Variants in ABHD2 observed in about 807,000 individuals in gnomAD.
ABHD2 encodes the protein abhydrolase domain containing 2, acylglycerol lipase, also known as monoacylglycerol lipase ABHD2.
A neutral mutation model predicts 48.1 loss-of-function variants in ABHD2; 20 were observed. That is an observed-to-expected ratio of 0.42 (90% confidence interval 0.29 to 0.60). The LOEUF (loss-of-function observed/expected upper bound fraction) is 0.60, where lower values mean the gene tolerates loss of function less well. ABHD2 is among the 20% of genes least tolerant of loss of function. The pLI is 0.24. For missense variants in ABHD2, 405 were observed against 550.9 expected (o/e 0.74, Z 2.65); for synonymous variants, 209 against 214.2 (o/e 0.98, Z 0.21).
chr15:89,113,186 G>T (rs913888513), intron 1 of ABHD2, among the ~76,000 whole-genome samples: 1 of 152,178 alleles, frequency 6.6e-6, no homozygotes, highest in Non-Finnish European at 1.5e-5. Context: ...TCTGAACTCA[G>T]ACCCTACAAG....
the ABHD2 span, among the ~76,000 whole-genome samples, chr15:89,052,739 C>T: frequency 1.3e-5 from 2 of 152,274 alleles, no homozygotes; most frequent in East Asian, 3.9e-4. Flanking sequence ...CCAGCCAATA[C>T]CCTGATCTCA....
chr15:89,171,407 C>T (rs930982870), intron 5 of ABHD2, among the ~76,000 whole-genome samples: 10 of 152,200 alleles, frequency 6.6e-5, no homozygotes, highest in African/African-American at 2.4e-4. Context: ...ACTCTGAGAA[C>T]CACTGAGCTA....
In ABHD2 at chr15:89,173,899, C is replaced by G. The variant is rs575159350; in HGVS notation, c.539-1913C>G. ...CTGGGTCCTGCTGTTTGGGAGGAAG[C>G]AGCTCTTGGCCCGGTTTTTCCCTTA... is the stretch of plus-strand genomic sequence containing the variant. On this transcript the variant is annotated intron_variant, in intron 5 of 10. Transcript: ENST00000352732. The surrounding 1 kb of genome is among the most constrained non-coding windows in gnomAD (Gnocchi z 6.5). Among the ~76,000 whole-genome samples the G allele has an allele frequency of 6.6e-6, 1 of 152,288 alleles. No homozygotes were observed. The highest frequency in any genetic ancestry group is 1.9e-4 in the East Asian group (1 of 5,180).
chr15:89,053,989 A>C, the ABHD2 span, among the ~76,000 whole-genome samples: 1 of 152,140 alleles, frequency 6.6e-6, no homozygotes, highest in African/African-American at 2.4e-5. Flanking sequence ...AGTCTAACAC[A>C]TTGCTGCAGA....
At chr15:89,057,101 A>C in the ABHD2 span, among the ~76,000 whole-genome samples, 2 of 151,706 alleles carry the variant, frequency 1.3e-5, no homozygotes, top group East Asian at 3.9e-4. Context: ...TTTTAGTAGA[A>C]ATGGGGTTTC....
chr15:89,064,323 G>A, the ABHD2 span, among the ~76,000 whole-genome samples: 2 of 149,870 alleles, frequency 1.3e-5, no homozygotes, highest in Admixed American at 1.3e-4. Context: ...GGGTTTAAGC[G>A]ATTCTCCTGC....
chr15:89,130,087 A>G (rs1266536165), intron 3 of ABHD2, among the ~76,000 whole-genome samples: 1 of 152,246 alleles, frequency 6.6e-6, no homozygotes, highest in Non-Finnish European at 1.5e-5. Context: ...GAAGCCTTAA[A>G]ACATGAAATA....
rs772073918 is a variant in ABHD2 at position 89,200,618 on chromosome 15, TAAG to T, written c.*5197_*5199del. ...TTGTTTTTATTGTGTTTTCTAACCATAAGAGATCATTAAAGGCAAAGCCTGTAT... is the reference window on the plus strand; with the variant it reads ...TTGTTTTTATTGTGTTTTCTAACCATAGATCATTAAAGGCAAAGCCTGTAT... On this transcript the variant is annotated 3_prime_UTR_variant, in exon 11 of 11. Transcript: ENST00000352732. The T allele has an allele frequency of 1.7e-4, 27 of 158,486 alleles. No homozygotes were observed. Among genetic ancestry groups the T allele is most frequent in the Non-Finnish European group, 3.3e-4 (23 of 70,460 alleles). The allele number at this position is 158,486 out of a possible 1,614,324, so 9.8% of individuals were successfully genotyped here. A position where few individuals can be genotyped will look rare whatever the true frequency, so the allele number is the denominator to read the frequency against.
intron 3 of ABHD2, among the ~76,000 whole-genome samples, chr15:89,126,966 G>A (rs2050139411): frequency 6.6e-6 from 1 of 151,674 alleles, no homozygotes; most frequent in Non-Finnish European, 1.5e-5. Context: ...TGAAATTCTA[G>A]AAAGCTATAA....
In ABHD2 at chr15:89,201,891, C is replaced by T. The variant is rs56024153; in HGVS notation, c.*6468C>T. On this transcript the variant is annotated 3_prime_UTR_variant, in exon 11 of 11. Transcript: ENST00000352732. ...GGAGGGGGAGCGAGTTCGCATCTCT[C>T]CTTTTCCTGGTTAGACTCTGTTCAA... The T allele has an allele frequency of 0.036, 23,265 of 654,410 alleles. 557 individuals carry two copies. Among genetic ancestry groups the T allele is most frequent in the Non-Finnish European group, 0.049 (18,511 of 376,946 alleles). The allele number at this position is 654,410 out of a possible 1,614,324, so 40.5% of individuals were successfully genotyped here.
At position 89,193,491 on chromosome 15, in the gene ABHD2, G is replaced by T. The variant is rs1014554625; in HGVS notation, c.1081+172G>T. On this transcript the variant is annotated intron_variant, in intron 10 of 10. Transcript: ENST00000352732. ...CTGATAGTCCTCGGGCTGTGATGGGGCTTGGGCATCAGGCCTCCCTCGTGT... is the reference window on the plus strand; with the variant it reads ...CTGATAGTCCTCGGGCTGTGATGGGTCTTGGGCATCAGGCCTCCCTCGTGT... 3.2e-4 allele frequency: 202 copies of T among 625,418 alleles called. 1 individual carries two copies. The highest frequency in any genetic ancestry group is 2.0e-3 in the Middle Eastern group (5 of 2,474). The allele number at this position is 625,418 out of a possible 1,614,324, so 38.7% of individuals were successfully genotyped here.
In ABHD2 at chr15:89,175,885, G is replaced by C. The variant is rs768682861; in HGVS notation, c.612G>C (p.Val204=). The stretch of plus-strand genomic sequence containing the variant: ...ATCCCCTGACCCAGCTGGTCGTCGT[G>C]GGCTTCAGCCTGGGTGGTAACATTG... ...KTYPLTQLVV[V]GFSLGGNIVC... is the part of the protein sequence containing the mutation. Residue 204 remains valine (V), a synonymous_variant, in exon 6 of 11, where the codon GTG becomes GTC. Transcript: ENST00000352732. The surrounding 1 kb of genome is among the most constrained non-coding windows in gnomAD (Gnocchi z 5.7). 145 of 1,613,982 alleles carry C rather than the reference G, an allele frequency of 9.0e-5. No individual in the cohort carries two copies. Among genetic ancestry groups the C allele is most frequent in the Middle Eastern group, 3.3e-4 (2 of 6,084 alleles).
In ABHD2 at chr15:89,195,333, G is replaced by A. The variant is rs998391173; in HGVS notation, c.1188G>A (p.Leu396=). The A allele has an allele frequency of 6.2e-7, 1 of 1,614,222 alleles. No homozygotes were observed. The highest frequency in any genetic ancestry group is 8.5e-7 in the Non-Finnish European group (1 of 1,180,036). Residue 396 remains leucine, a synonymous_variant, in exon 11 of 11, where the codon CTG becomes CTA. Coordinates refer to ENST00000352732, the MANE Select transcript of ABHD2 (RefSeq NM_152924.5). This position sits in a 1 kb window ranked among gnomAD's most constrained non-coding sequence, Gnocchi z 5.1. ...FPEPLTWMDK[L]VVEYANAICQ... ...AGCCCCTGACATGGATGGATAAGCT[G>A]GTGGTGGAGTACGCCAACGCCATTT...
the ABHD2 span, among the ~76,000 whole-genome samples, chr15:89,057,671 C>G: frequency 6.6e-6 from 1 of 152,130 alleles, no homozygotes; most frequent in Non-Finnish European, 1.5e-5. Flanking sequence ...TGCTGCCATT[C>G]CCTCCATGGC....
the ABHD2 span, among the ~76,000 whole-genome samples, chr15:89,048,979 A>AT: frequency 1.3e-5 from 2 of 149,656 alleles, no homozygotes; most frequent in Admixed American, 6.6e-5. Context: ...TAGAGTTTCC[A>AT]TTTTTTCTGC....
chr15:89,095,824 G>A (rs989038198), intron 1 of ABHD2, among the ~76,000 whole-genome samples: 2 of 152,094 alleles, frequency 1.3e-5, no homozygotes, highest in Non-Finnish European at 2.9e-5. Context: ...TTTTGGTTTC[G>A]TGTTAATGAT....
At chr15:89,083,625 A>G (rs1317964306), upstream of ABHD2, among the ~76,000 whole-genome samples, 1 of 152,184 alleles carries the variant, frequency 6.6e-6, no homozygotes, top group African/African-American at 2.4e-5. This position sits in a 1 kb window ranked among gnomAD's most constrained non-coding sequence, Gnocchi z 5.1. Context: ...GAGGGAGGGC[A>G]CTATTAAAAT....
intron 5 of ABHD2, among the ~76,000 whole-genome samples, chr15:89,158,723 G>GT (rs1186741479): frequency 2.0e-5 from 3 of 151,824 alleles, no homozygotes; most frequent in South Asian, 2.1e-4. Flanking sequence ...GTTTTGTTTT[G>GT]TTTTTTTGAG....
intron 5 of ABHD2, among the ~76,000 whole-genome samples, chr15:89,172,060 G>A (rs186812893): frequency 2.0e-4 from 31 of 151,658 alleles, no homozygotes; most frequent in African/African-American, 6.8e-4. Context: ...TGATTCTAAT[G>A]TGCAATCAGG....
Sources: gnomAD v4.1 joint callset for allele counts (sites outside exome capture counted in the v4.1 genomes callset) on GRCh38, gnomAD v4.1.1 for gene constraint, Gnocchi (gnomAD v3.1) non-coding constraint, MANE v1.5 for transcripts, NCBI Gene and HGNC (gene_info 2026-07-23, HGNC 2026-07-21) for gene names.